CFAP46: variants seen among roughly 807,000 people sequenced by gnomAD.
CFAP46 encodes the protein cilia- and flagella-associated protein 46.
A neutral mutation model predicts 325.7 loss-of-function variants in CFAP46; 245 were observed. That is an observed-to-expected ratio of 0.75 (90% CI 0.68 to 0.84). The LOEUF (loss-of-function observed/expected upper bound fraction) is 0.84. CFAP46 is among the 40% of genes least tolerant of loss of function. The pLI is 0.00. For missense variants in CFAP46, 3,346 were observed against 3,543.0 expected (o/e 0.94, Z 1.41); for synonymous variants, 1,523 against 1,495.9 (o/e 1.02, Z -0.42).
chr10:132,863,008 G>T (rs1299189370), intron 35 of CFAP46, among the ~76,000 whole-genome samples: 1 of 152,156 alleles, frequency 6.6e-6, no homozygotes, highest in Non-Finnish European at 1.5e-5. Context: ...TGTCAGAAGC[G>T]CCTGCTGTGA....
intron 50 of CFAP46, among the ~76,000 whole-genome samples, chr10:132,821,792 G>A (rs1591033543): frequency 1.4e-5 from 2 of 143,772 alleles, no homozygotes; most frequent in East Asian, 4.4e-4. Context: ...GCTGATGTGT[G>A]CTGTGTGTTG....
chr10:132,861,027 T>A, intron 35 of CFAP46, 45 bp from the exon 36 acceptor site: 1 of 1,532,090 alleles, frequency 6.5e-7, no homozygotes, highest in Non-Finnish European at 8.8e-7. Flanking sequence ...TCTACAGATG[T>A]GTGCAGGCAG....
At chr10:132,821,699 ATGTGTGCTGACGTGTGC>A (rs1276393660) in intron 50 of CFAP46, among the ~76,000 whole-genome samples, 8 of 79,974 alleles carry the variant, frequency 1.0e-4, no homozygotes, top group Admixed American at 1.7e-4. Context: ...CTGTGTGCTG[ATGTGTGCTGACGTGTGC>A]TGTGTGCTGA....
At chr10:132,842,655 C>A (rs1040312106) in intron 44 of CFAP46, among the ~76,000 whole-genome samples, 10 of 152,210 alleles carry the variant, frequency 6.6e-5, no homozygotes, top group South Asian at 2.1e-4. Flanking sequence ...TTGTTTATAG[C>A]AGAATATCTG....
chr10:132,881,066 G>C (rs999529752), intron 27 of CFAP46, 34 bp from the exon 28 acceptor site: 1 of 1,544,158 alleles, frequency 6.5e-7, no homozygotes, highest in African/African-American at 1.4e-5. Flanking sequence ...GACATCCTCA[G>C]GATGGCCCTG....
chr10:132,880,156 G>C (rs1849018181), intron 28 of CFAP46, among the ~76,000 whole-genome samples: 1 of 152,188 alleles, frequency 6.6e-6, no homozygotes, highest in Non-Finnish European at 1.5e-5. Flanking sequence ...CCCTAGCTGG[G>C]CTCTGCCGGC....
At chr10:132,872,014 T>C (rs1848901509) in intron 32 of CFAP46, among the ~76,000 whole-genome samples, 1 of 152,220 alleles carries the variant, frequency 6.6e-6, no homozygotes, top group Admixed American at 6.5e-5. Flanking sequence ...ACATTTTAAA[T>C]GGATGTATGT....
chr10:132,815,641 G>T (rs1248192072), intron 50 of CFAP46, among the ~76,000 whole-genome samples: 4 of 152,182 alleles, frequency 2.6e-5, no homozygotes, highest in Non-Finnish European at 5.9e-5. Flanking sequence ...TTAAACTGGG[G>T]CCCGGCACGT....
intron 31 of CFAP46, 23 bp from the exon 32 acceptor site, chr10:132,872,847 C>T (rs1848912177): frequency 6.4e-7 from 1 of 1,550,468 alleles, no homozygotes; most frequent in South Asian, 1.2e-5. Flanking sequence ...ATAACACACA[C>T]AGGAGGTCAC....
At chr10:132,911,079 G>A (rs772015020) in intron 19 of CFAP46, among the ~76,000 whole-genome samples, 4 of 152,192 alleles carry the variant, frequency 2.6e-5, no homozygotes, top group Non-Finnish European at 5.9e-5. Context: ...CTGCCTCCCA[G>A]GGCCCACAGC....
At chr10:132,825,185 G>T (rs1848022162) in intron 50 of CFAP46, among the ~76,000 whole-genome samples, 1 of 146,546 alleles carries the variant, frequency 6.8e-6, no homozygotes, top group Non-Finnish European at 1.5e-5. Context: ...TGTGTGTGCT[G>T]TGTGCTGTGT....
chr10:132,882,484 A>G (rs1004712446), intron 27 of CFAP46, among the ~76,000 whole-genome samples: 1 of 151,784 alleles, frequency 6.6e-6, no homozygotes, highest in East Asian at 1.9e-4. Flanking sequence ...TGGAGCTGCA[A>G]CATCTCGAGG....
At position 132,938,760 on chromosome 10, in the gene CFAP46, C is replaced by T. The variant is rs369534015; in HGVS notation, c.372-7G>A. The T allele has an allele frequency of 2.1e-5, 34 of 1,609,294 alleles. No homozygotes were observed. Among genetic ancestry groups the T allele is most frequent in the Non-Finnish European group, 2.8e-5 (33 of 1,177,880 alleles). ...GTACACCAAAAAGTAGTACCTGCGG[C>T]GCGAGCAGAGGAAGCAGAGAGCACG... is the stretch of plus-strand genomic sequence containing the variant. On this transcript the variant is annotated splice_polypyrimidine_tract_variant and splice_region_variant and intron_variant, in intron 4 of 57. Transcript: ENST00000368586.
chr10:132,826,498 G>A (rs1848056190), intron 50 of CFAP46, among the ~76,000 whole-genome samples: 1 of 144,372 alleles, frequency 6.9e-6, no homozygotes, highest in South Asian at 2.3e-4. Flanking sequence ...AGGAGCCGGA[G>A]CCACGGAGCC....
At chr10:132,913,623 T>C (rs1372303696) in intron 17 of CFAP46, among the ~76,000 whole-genome samples, 2 of 152,086 alleles carry the variant, frequency 1.3e-5, no homozygotes, top group Non-Finnish European at 2.9e-5. Flanking sequence ...GGAAAAACTG[T>C]CTCCCACGAA....
chr10:132,854,335 G>A (rs1848607413), intron 39 of CFAP46, among the ~76,000 whole-genome samples: 1 of 151,872 alleles, frequency 6.6e-6, no homozygotes, highest in Non-Finnish European at 1.5e-5. Flanking sequence ...GTTTTGTTTT[G>A]TTTTGTTTTG....
At position 132,919,982 on chromosome 10, in the gene CFAP46, G is replaced by T. The variant is rs1040779188; in HGVS notation, c.1730+77C>A. ...GGCCACATGCAGGGTCAGCTCAGCC[G>T]CCACAGACACTGGCCCTCGGGCTGA... On this transcript the variant is annotated intron_variant, in intron 14 of 57. Transcript: ENST00000368586. The surrounding 1 kb of genome is among the most constrained non-coding windows in gnomAD (Gnocchi z 9.7). 1.4e-6 allele frequency: 2 copies of T among 1,422,892 alleles called. No homozygotes were observed. The highest frequency in any genetic ancestry group is 2.7e-5 in the East Asian group (1 of 37,222). 88.1% of individuals were successfully genotyped at this position (1,422,892 alleles called of 1,614,324 possible).
intron 44 of CFAP46, among the ~76,000 whole-genome samples, chr10:132,837,475 A>C (rs1389184116): frequency 6.8e-6 from 1 of 147,704 alleles, no homozygotes; most frequent in Non-Finnish European, 1.5e-5. Flanking sequence ...GCACAGACAC[A>C]CACATGCACA....
At chr10:132,834,840 C>A in intron 47 of CFAP46, 65 bp from the exon 48 acceptor site, 2 of 1,543,978 alleles carry the variant, frequency 1.3e-6, no homozygotes, top group South Asian at 1.2e-5. Context: ...CCCGCGAGGG[C>A]CAGGCCCCTG....
Sources: allele counts gnomAD v4.1 joint callset (sites outside exome capture counted in the v4.1 genomes callset), GRCh38; gene constraint gnomAD v4.1.1; non-coding constraint Gnocchi (gnomAD v3.1); transcripts MANE v1.5; gene names NCBI Gene and HGNC (gene_info 2026-07-23, HGNC 2026-07-21).